DDR2: variants seen among roughly 807,000 people sequenced by gnomAD.
DDR2 encodes discoidin domain receptor tyrosine kinase 2.
In DDR2, 27 loss-of-function variants were observed where a neutral mutation model predicts 94.9. The observed-to-expected ratio is 0.28, with a 90% confidence interval of 0.21 to 0.39. DDR2 has a LOEUF of 0.39. DDR2 is among the 10% of genes least tolerant of loss of function. DDR2 has a pLI of 1.00. For missense variants in DDR2, 783 were observed against 1,076.0 expected (o/e 0.73, Z 3.81); for synonymous variants, 382 against 377.2 (o/e 1.01, Z -0.15).
chr1:162,755,107 G>C (rs753535739), intron 5 of DDR2, 49 bp from the exon 6 acceptor site: 3 of 1,612,842 alleles, frequency 1.9e-6, no homozygotes, highest in Non-Finnish European at 2.5e-6. Flanking sequence ...GAAGAAAAGT[G>C]AGCATGATTT....
At chr1:162,771,386 C>A (rs1308451701) in intron 12 of DDR2, among the ~76,000 whole-genome samples, 2 of 152,112 alleles carry the variant, frequency 1.3e-5, no homozygotes, top group South Asian at 2.1e-4. Flanking sequence ...CTGAAGGGGT[C>A]TTTTCAAAGG....
intron 3 of DDR2, among the ~76,000 whole-genome samples, chr1:162,727,109 C>T (rs1461204514): frequency 7.2e-6 from 1 of 138,362 alleles, no homozygotes; most frequent in East Asian, 2.1e-4. Context: ...AAAATATAAA[C>T]ATATATTTAT....
chr1:162,770,089 A>G (rs962642587), intron 11 of DDR2, among the ~76,000 whole-genome samples: 2 of 152,196 alleles, frequency 1.3e-5, no homozygotes, highest in African/African-American at 4.8e-5. Context: ...TTAGAAGATC[A>G]AATTCTACCT....
intron 2 of DDR2, among the ~76,000 whole-genome samples, chr1:162,656,044 AAGGT>A (rs1234045440): frequency 3.3e-5 from 5 of 152,198 alleles, no homozygotes; most frequent in Non-Finnish European, 7.3e-5. Context: ...TCCACATATC[AAGGT>A]GGTCTGCTGC....
chr1:162,736,293 T>A (rs1341657963), intron 3 of DDR2, among the ~76,000 whole-genome samples: 3 of 152,214 alleles, frequency 2.0e-5, no homozygotes, highest in Non-Finnish European at 4.4e-5. Context: ...GAAAGCCTAA[T>A]AGAACTCTCT....
At chr1:162,712,298 A>G (rs552491020) in intron 2 of DDR2, among the ~76,000 whole-genome samples, 30 of 150,732 alleles carry the variant, frequency 2.0e-4, no homozygotes, top group African/African-American at 7.3e-4. Context: ...CCCTACATGG[A>G]CTGGAACTGT....
intron 2 of DDR2, among the ~76,000 whole-genome samples, chr1:162,662,323 C>T (rs533444722): frequency 2.0e-5 from 3 of 152,284 alleles, no homozygotes; most frequent in Admixed American, 2.0e-4. Context: ...AGTTCAAATT[C>T]TAGTTTCTTG....
At chr1:162,640,465 A>G (rs1657075020) in intron 1 of DDR2, among the ~76,000 whole-genome samples, 1 of 152,210 alleles carries the variant, frequency 6.6e-6, no homozygotes, top group South Asian at 2.1e-4. Flanking sequence ...ACAAGGGTGT[A>G]TATGGGAACA....
At chr1:162,730,888 A>C (rs1473747694) in intron 3 of DDR2, among the ~76,000 whole-genome samples, 1 of 152,202 alleles carries the variant, frequency 6.6e-6, no homozygotes, top group African/African-American at 2.4e-5. Context: ...GGTCTCCCTC[A>C]AAAACTCTGC....
intron 2 of DDR2, among the ~76,000 whole-genome samples, chr1:162,661,821 T>G (rs1045598418): frequency 5.3e-5 from 8 of 152,288 alleles, no homozygotes; most frequent in Admixed American, 4.6e-4. Context: ...TCATCCAGAG[T>G]TATCTGGGGC....
At chr1:162,760,358 T>TTGTGTGTGTGTGTG (rs113653768) in intron 8 of DDR2, among the ~76,000 whole-genome samples, 1 of 143,028 alleles carries the variant, frequency 7.0e-6, no homozygotes, top group Non-Finnish European at 1.5e-5. Context: ...ACCAGCACAG[T>TTGTGTGTGTGTGTG]TGTGTGTGTG....
At position 162,780,249 on chromosome 1, in the gene DDR2, C is replaced by A; in HGVS notation, c.*3C>A. 1 of 1,613,780 alleles carries A rather than the reference C, an allele frequency of 6.2e-7. No individual in the cohort carries two copies. The highest frequency in any genetic ancestry group is 1.7e-5 in the Admixed American group (1 of 59,960). On this transcript the variant is annotated 3_prime_UTR_variant, in exon 18 of 18. Transcript: ENST00000367921. ...TCCTTCAACAAGGCGACGAGTGATG[C>A]TGTCAGTGCCTGGCCATGTTCCTAC...
chr1:162,761,883 A>G (rs1663764474), intron 9 of DDR2, among the ~76,000 whole-genome samples: 1 of 152,182 alleles, frequency 6.6e-6, no homozygotes, highest in African/African-American at 2.4e-5. Flanking sequence ...TGTTTCACCC[A>G]TTCCTTCCTT....
intron 3 of DDR2, among the ~76,000 whole-genome samples, chr1:162,752,188 C>A (rs1014600730): frequency 6.6e-6 from 1 of 151,538 alleles, no homozygotes; most frequent in African/African-American, 2.4e-5. Flanking sequence ...GTTGCTTATC[C>A]GAAATTTAAA....
chr1:162,715,603 A>G (rs570419549), intron 2 of DDR2, among the ~76,000 whole-genome samples: 3 of 152,266 alleles, frequency 2.0e-5, no homozygotes, highest in Non-Finnish European at 4.4e-5. Flanking sequence ...CAAAAGAAGG[A>G]ACAACAAAAA....
At chr1:162,682,990 A>G (rs1207747567) in intron 2 of DDR2, among the ~76,000 whole-genome samples, 1 of 152,220 alleles carries the variant, frequency 6.6e-6, no homozygotes, top group South Asian at 2.1e-4. Context: ...AAAATCCTCT[A>G]CAAGATATTA....
rs1648104630 is a variant in DDR2 at position 162,785,293 on chromosome 1, GAGTT to G, written c.*5052_*5055del. Reference sequence around the variant, plus strand: ...TAGAGTAAACCAGTATTTCAGTCAAGAGTTAGTTGGCACTTAGTTAATGGCACTG... The same window carrying G: ...TAGAGTAAACCAGTATTTCAGTCAAGAGTTGGCACTTAGTTAATGGCACTG... On this transcript the variant is annotated 3_prime_UTR_variant, in exon 18 of 18. Transcript: ENST00000367921. The G allele has an allele frequency of 6.6e-6, 1 of 152,172 alleles. No homozygotes were observed. Among genetic ancestry groups the G allele is most frequent in the South Asian group, 2.1e-4 (1 of 4,828 alleles). 9.4% of individuals were successfully genotyped at this position (152,172 alleles called of 1,614,324 possible).
At position 162,712,242 on chromosome 1, in the gene DDR2, A is replaced by G. The variant is rs923352627; in HGVS notation, c.-27-6795A>G. 4.0e-5 allele frequency among the ~76,000 whole-genome samples: 6 copies of G among 148,744 alleles called. No individual in the cohort carries two copies. The Admixed American group carries it at 4.1e-4, about 10-fold the overall frequency. ...TTCCTGGCTCATCCATGAGCCACAT[A>G]TTCATTGAAGTTCTTATAGGTAGGA... On this transcript the variant is annotated intron_variant, in intron 2 of 17. Coordinates refer to ENST00000367921, the MANE Select transcript of DDR2 (RefSeq NM_006182.4).
chr1:162,701,234 A>G (rs1038528674), intron 2 of DDR2, among the ~76,000 whole-genome samples: 2 of 152,230 alleles, frequency 1.3e-5, no homozygotes, highest in African/African-American at 2.4e-5. Context: ...TGTCTTCCAG[A>G]CCTGACTTCT....
Sources: gnomAD v4.1 joint callset for allele counts (sites outside exome capture counted in the v4.1 genomes callset) on GRCh38, gnomAD v4.1.1 for gene constraint, MANE v1.5 for transcripts, NCBI Gene and HGNC (gene_info 2026-07-23, HGNC 2026-07-21) for gene names.